CNTN1: variants seen among roughly 807,000 people sequenced by gnomAD.
The protein encoded by CNTN1 is contactin 1, also known as contactin-1.
CNTN1 carries 38 observed loss-of-function variants against 126.4 expected under a neutral mutation model. That is an observed-to-expected ratio of 0.30 (90% CI 0.23 to 0.39). CNTN1 has a LOEUF of 0.39. CNTN1 is among the 10% of genes least tolerant of loss of function. CNTN1 has a pLI of 1.00. For synonymous variants in CNTN1, 413 were observed against 422.6 expected, an observed-to-expected ratio of 0.98 and a Z score of 0.28; for missense variants, 1,009 against 1,248.4, an observed-to-expected ratio of 0.81 and a Z score of 2.89.
At chr12:41,044,716 G>T (rs1038447636) in intron 23 of CNTN1, among the ~76,000 whole-genome samples, 11 of 152,020 alleles carry the variant, frequency 7.2e-5, no homozygotes, top group African/African-American at 2.7e-4. Flanking sequence ...GAGTGCTTTG[G>T]AAAAGGACGT....
At chr12:40,766,239 C>A (rs1174804530) in intron 1 of CNTN1, among the ~76,000 whole-genome samples, 1 of 151,894 alleles carries the variant, frequency 6.6e-6, no homozygotes, top group African/African-American at 2.4e-5. Flanking sequence ...TGCCTGTAAT[C>A]CCAGCTACTT....
intron 1 of CNTN1, among the ~76,000 whole-genome samples, chr12:40,886,710 G>A (rs956927936): frequency 6.6e-6 from 1 of 152,044 alleles, no homozygotes; most frequent in Non-Finnish European, 1.5e-5. Context: ...GGTCTAACAT[G>A]TAAGTCTTTA....
intron 1 of CNTN1, among the ~76,000 whole-genome samples, chr12:40,891,591 T>C (rs1383732547): frequency 1.3e-5 from 2 of 152,092 alleles, no homozygotes; most frequent in Non-Finnish European, 2.9e-5. Context: ...TAAATTTTTT[T>C]TGTTGTTGCG....
At chr12:41,039,242 C>T (rs368981771) in intron 23 of CNTN1, among the ~76,000 whole-genome samples, 4 of 152,150 alleles carry the variant, frequency 2.6e-5, no homozygotes, top group East Asian at 1.9e-4. Flanking sequence ...TGGTGCAAAT[C>T]TCTGTGAATC....
intron 14 of CNTN1, among the ~76,000 whole-genome samples, chr12:40,945,046 T>C (rs1177824013): frequency 6.6e-6 from 1 of 152,098 alleles, no homozygotes; most frequent in African/African-American, 2.4e-5. Context: ...ATTATTATAT[T>C]ATGCTTTCAT....
intron 14 of CNTN1, among the ~76,000 whole-genome samples, chr12:40,950,095 A>AGG (rs1257234547): frequency 2.1e-4 from 26 of 122,960 alleles, no homozygotes; most frequent in Middle Eastern, 4.1e-3. Context: ...AGGTGTTGAG[A>AGG]GGGTGTGTGT....
intron 1 of CNTN1, among the ~76,000 whole-genome samples, chr12:40,703,534 T>G (rs752768264): frequency 4.6e-5 from 7 of 152,212 alleles, no homozygotes; most frequent in Non-Finnish European, 1.0e-4. Context: ...ATATGGAAGT[T>G]AAGTTTGCTA....
At chr12:40,985,538 G>C (rs563546830) in intron 16 of CNTN1, among the ~76,000 whole-genome samples, 1 of 151,988 alleles carries the variant, frequency 6.6e-6, no homozygotes, top group Non-Finnish European at 1.5e-5. Flanking sequence ...ACATTGTTCT[G>C]TTGTCTTTTG....
intron 16 of CNTN1, among the ~76,000 whole-genome samples, chr12:40,991,721 G>T (rs560308008): frequency 6.6e-6 from 1 of 152,120 alleles, no homozygotes; most frequent in African/African-American, 2.4e-5. Context: ...CCAGCTACTC[G>T]GGAGGCTGAG....
At chr12:40,729,180 TA>T in intron 1 of CNTN1, 2 of 208,412 alleles carry the variant, frequency 9.6e-6, no homozygotes, top group Non-Finnish European at 2.1e-5. Flanking sequence ...CTTCTCAAGT[TA>T]AATTTTTCTG....
intron 1 of CNTN1, among the ~76,000 whole-genome samples, chr12:40,745,245 A>T (rs1488169019): frequency 6.6e-6 from 1 of 152,126 alleles, no homozygotes; most frequent in East Asian, 1.9e-4. Context: ...ATTTGAAGAG[A>T]TTTATTGTGA....
chr12:40,929,651 G>A (rs1945814260), intron 6 of CNTN1, 145 bp from the exon 7 acceptor site: 2 of 668,536 alleles, frequency 3.0e-6, no homozygotes, highest in Non-Finnish European at 5.4e-6. Flanking sequence ...TTAAAAGTGT[G>A]CACTGTTTGT....
chr12:41,011,438 A>T lies in CNTN1; in HGVS notation c.2114-2790A>T, dbSNP rs147567780. On this transcript the variant is annotated intron_variant, in intron 17 of 23. Coordinates refer to ENST00000551295, the MANE Select transcript of CNTN1 (RefSeq NM_001843.4). ...TTAGATGATAAAGAGAAGGAAAAAA[A>T]GGCATCCCTTTAGTCTCCTTCCTTT... is the stretch of plus-strand genomic sequence containing the variant. Among the ~76,000 whole-genome samples, 173 of 152,362 alleles carry T rather than the reference A, an allele frequency of 1.1e-3. 1 individual carries two copies. In the East Asian group the frequency reaches 0.025, roughly 22 times the overall value.
chr12:40,707,574 G>T (rs1323841362), intron 1 of CNTN1, among the ~76,000 whole-genome samples: 1 of 152,028 alleles, frequency 6.6e-6, no homozygotes, highest in Non-Finnish European at 1.5e-5. Flanking sequence ...TCTAACAAAG[G>T]ATGGCTCTTT....
At chr12:40,866,932 G>A (rs147477422) in intron 1 of CNTN1, among the ~76,000 whole-genome samples, 2 of 152,216 alleles carry the variant, frequency 1.3e-5, no homozygotes, top group East Asian at 1.9e-4. Flanking sequence ...TTTCTGTGCA[G>A]GATGTTTTTA....
chr12:41,057,353 C>T (rs867453508), intron 23 of CNTN1, among the ~76,000 whole-genome samples: 7 of 151,092 alleles, frequency 4.6e-5, no homozygotes, highest in Non-Finnish European at 7.4e-5. Context: ...AGACCATGAT[C>T]ACTACAAAAA....
intron 1 of CNTN1, among the ~76,000 whole-genome samples, chr12:40,890,647 T>C (rs564005781): frequency 1.3e-5 from 2 of 152,312 alleles, no homozygotes; most frequent in South Asian, 2.1e-4. Flanking sequence ...GTAATATGCA[T>C]TTAAGTTTCC....
chr12:41,025,662 C>T lies in CNTN1; in HGVS notation c.2710+326C>T, dbSNP rs551393530. Among the ~76,000 whole-genome samples, 4 of 152,292 alleles carry T rather than the reference C, an allele frequency of 2.6e-5. No individual in the cohort carries two copies. The East Asian group carries it at 7.7e-4, about 29-fold the overall frequency. ...AAACATTGTTTTCATAGGAGTACAT[C>T]AACAGCATGTGAAAACTAAAATTCT... On this transcript the variant is annotated intron_variant, in intron 21 of 23. Coordinates refer to ENST00000551295, the MANE Select transcript of CNTN1 (RefSeq NM_001843.4).
intron 1 of CNTN1, among the ~76,000 whole-genome samples, chr12:40,880,885 G>T (rs1943848135): frequency 6.6e-6 from 1 of 151,860 alleles, no homozygotes; most frequent in Non-Finnish European, 1.5e-5. Flanking sequence ...AGAAAAGAGA[G>T]GGAAACTTTG....
Sources: gnomAD v4.1 joint callset for allele counts (sites outside exome capture counted in the v4.1 genomes callset) on GRCh38, gnomAD v4.1.1 for gene constraint, MANE v1.5 for transcripts, NCBI Gene and HGNC (gene_info 2026-07-23, HGNC 2026-07-21) for gene names.